Variants in EDNRB observed in about 807,000 individuals in gnomAD.
EDNRB encodes the protein endothelin receptor type B.
In EDNRB, 18 loss-of-function variants were observed where a neutral mutation model predicts 46.4. The ratio of observed to expected loss-of-function variants is 0.39; its 90% confidence interval spans 0.27 to 0.57. The LOEUF (loss-of-function observed/expected upper bound fraction) is 0.57. Among genes scored for constraint, EDNRB ranks in the 20% least tolerant of loss-of-function variants. The pLI, the probability that EDNRB is intolerant of heterozygous loss-of-function variation, is 0.61. For missense variants in EDNRB, 434 were observed against 537.5 expected (o/e 0.81, Z 1.90); for synonymous variants, 213 against 204.9 (o/e 1.04, Z -0.34).
intron 1 of EDNRB, among the ~76,000 whole-genome samples, chr13:77,965,570 C>T (rs533390373): frequency 1.3e-5 from 2 of 152,184 alleles, no homozygotes; most frequent in East Asian, 3.9e-4. Context: ...TTTAATTGGT[C>T]TTGGAGGTTC....
chr13:77,964,669 C>A (rs1284436340), intron 1 of EDNRB, among the ~76,000 whole-genome samples: 1 of 152,098 alleles, frequency 6.6e-6, no homozygotes, highest in Admixed American at 6.6e-5. Flanking sequence ...AGGAGATATA[C>A]CTAATGTAAA....
At chr13:77,964,459 T>C (rs1357592914) in intron 1 of EDNRB, among the ~76,000 whole-genome samples, 1 of 152,166 alleles carries the variant, frequency 6.6e-6, no homozygotes, top group Non-Finnish European at 1.5e-5. Context: ...TAAAAAACGA[T>C]AAGTTCATGT....
chr13:77,903,981 T>A (rs995724139), intron 1 of EDNRB, among the ~76,000 whole-genome samples: 1 of 151,944 alleles, frequency 6.6e-6, no homozygotes, highest in Non-Finnish European at 1.5e-5. Context: ...TTAATTAAAA[T>A]TGAATGATAA....
chr13:77,904,301 C>T (rs541823932), intron 1 of EDNRB, among the ~76,000 whole-genome samples: 6 of 152,040 alleles, frequency 3.9e-5, no homozygotes, highest in East Asian at 1.9e-4. Context: ...TATTAGATAC[C>T]GTAACCGGTC....
At chr13:77,905,823 G>A (rs1248153085) in intron 1 of EDNRB, among the ~76,000 whole-genome samples, 1 of 152,020 alleles carries the variant, frequency 6.6e-6, no homozygotes, top group Non-Finnish European at 1.5e-5. Flanking sequence ...ACAGCAATGA[G>A]GCTACTAGCT....
At chr13:77,939,953 A>C (rs1478676989) in intron 1 of EDNRB, 1 of 151,978 alleles carries the variant, frequency 6.6e-6, no homozygotes, top group Non-Finnish European at 1.5e-5. Flanking sequence ...TCGAGATGGC[A>C]TCATTGCACT....
chr13:77,961,385 G>A (rs1881407147), intron 1 of EDNRB, among the ~76,000 whole-genome samples: 1 of 152,076 alleles, frequency 6.6e-6, no homozygotes. Flanking sequence ...TGGAAGTAAA[G>A]CACTCCTCGG....
intron 2 of EDNRB, 49 bp from the exon 3 acceptor site, chr13:77,903,409 A>G (rs761240900): frequency 3.1e-6 from 5 of 1,611,448 alleles, no homozygotes; most frequent in Middle Eastern, 1.7e-4. Context: ...CCTTAGTTTT[A>G]TTGAATTGCA....
intron 1 of EDNRB, among the ~76,000 whole-genome samples, chr13:77,908,044 A>AAGAGAGC (rs1555291127): frequency 4.4e-3 from 18 of 4,118 alleles, no homozygotes; most frequent in African/African-American, 0.017. Context: ...AAAAAAAAAA[A>AAGAGAGC]GAGAGAGAGA....
chr13:77,960,388 T>C (rs1881368749), intron 1 of EDNRB, among the ~76,000 whole-genome samples: 2 of 152,102 alleles, frequency 1.3e-5, no homozygotes, highest in South Asian at 4.1e-4. Flanking sequence ...ATATTCAACA[T>C]TATTAAAGAA....
intron 1 of EDNRB, among the ~76,000 whole-genome samples, chr13:77,946,666 TAG>T (rs1208793837): frequency 6.6e-6 from 1 of 152,186 alleles, no homozygotes; most frequent in African/African-American, 2.4e-5. Context: ...AGTTTGAGAC[TAG>T]AGAGACTGAT....
At chr13:77,926,829 G>A (rs539106567) in intron 1 of EDNRB, among the ~76,000 whole-genome samples, 1 of 152,322 alleles carries the variant, frequency 6.6e-6, no homozygotes, top group East Asian at 1.9e-4. Flanking sequence ...AGGTTTAATT[G>A]GACTTAAAGT....
chr13:77,906,814 A>G (rs1436536265), intron 1 of EDNRB, among the ~76,000 whole-genome samples: 4 of 151,926 alleles, frequency 2.6e-5, no homozygotes, highest in African/African-American at 9.7e-5. Context: ...AAAAATATTT[A>G]CTGTTTTAAG....
At chr13:77,964,377 C>G (rs568359224) in intron 1 of EDNRB, among the ~76,000 whole-genome samples, 1 of 152,160 alleles carries the variant, frequency 6.6e-6, no homozygotes, top group African/African-American at 2.4e-5. Context: ...TGGAACCAAC[C>G]CAAATGTCCA....
chr13:77,924,564 C>T (rs1406867462), upstream of EDNRB, among the ~76,000 whole-genome samples: 2 of 152,184 alleles, frequency 1.3e-5, no homozygotes, highest in East Asian at 3.8e-4. Flanking sequence ...TAAAATTTAA[C>T]ATCTTAACCA....
chr13:77,900,349 A>AC (rs1476076247), intron 5 of EDNRB, among the ~76,000 whole-genome samples, 172 bp downstream of exon 5: 5 of 151,374 alleles, frequency 3.3e-5, no homozygotes, highest in Non-Finnish European at 7.4e-5. Flanking sequence ...TGTTCTTCAT[A>AC]CCCCCCCTTC....
intron 5 of EDNRB, 44 bp from the exon 6 acceptor site, chr13:77,900,011 C>T (rs1220243470): frequency 6.6e-7 from 1 of 1,513,242 alleles, no homozygotes; most frequent in South Asian, 1.1e-5. Context: ...ATATGCTATT[C>T]TGAACATGTA....
At chr13:77,949,623 C>T (rs1210846118) in intron 1 of EDNRB, among the ~76,000 whole-genome samples, 1 of 152,110 alleles carries the variant, frequency 6.6e-6, no homozygotes, top group Non-Finnish European at 1.5e-5. Context: ...GTATCTAAGT[C>T]CGCTTGGGGA....
At chr13:77,950,183 C>T (rs2329051) in intron 1 of EDNRB, among the ~76,000 whole-genome samples, 30,547 of 152,076 alleles carry the variant, frequency 0.2, 3,565 homozygotes, top group East Asian at 0.53. Context: ...TGAATTTTCC[C>T]GGGTCTTCAG....
Sources: gnomAD v4.1 joint callset for allele counts (sites outside exome capture counted in the v4.1 genomes callset) on GRCh38, gnomAD v4.1.1 for gene constraint, MANE v1.5 for transcripts, NCBI Gene and HGNC (gene_info 2026-07-23, HGNC 2026-07-21) for gene names.